Variants in EGFLAM observed in about 807,000 individuals in gnomAD.
EGFLAM encodes the protein EGF like, fibronectin type III and laminin G domains.
EGFLAM carries 79 observed loss-of-function variants against 113.1 expected under a neutral mutation model. The ratio of observed to expected loss-of-function variants is 0.70; its 90% confidence interval spans 0.58 to 0.84. The LOEUF is 0.84. Ranked by LOEUF, EGFLAM falls within the 40% of genes least tolerant of loss-of-function variation. EGFLAM has a pLI of 0.00. For missense variants in EGFLAM, 1,265 were observed against 1,291.6 expected, an observed-to-expected ratio of 0.98 and a Z score of 0.32; for synonymous variants, 504 against 487.6, an observed-to-expected ratio of 1.03 and a Z score of -0.44.
In EGFLAM at chr5:38,300,952, G is replaced by A. The variant is rs76096148; in HGVS notation, c.98-36568G>A. ...GATTTTTAGCCTGAGCAACTAGAAG[G>A]AAGGACTTTATGTCAAGTCAGATGA... On this transcript the variant is annotated intron_variant, in intron 1 of 21. Coordinates refer to ENST00000322350, the MANE Select transcript of EGFLAM (RefSeq NM_152403.4). Among the ~76,000 whole-genome samples, 881 of 152,284 alleles carry A rather than the reference G, an allele frequency of 5.8e-3. 12 individuals carry two copies. Among genetic ancestry groups the A allele is most frequent in the African/African-American group, 0.02 (851 of 41,572 alleles).
intron 20 of EGFLAM, among the ~76,000 whole-genome samples, chr5:38,458,973 A>C (rs1387238629): frequency 7.3e-6 from 1 of 137,226 alleles, no homozygotes; most frequent in Admixed American, 7.1e-5. Flanking sequence ...ACCCCATCTC[A>C]AAAAAAAAAA....
At chr5:38,264,785 T>A (rs111835600) in intron 1 of EGFLAM, among the ~76,000 whole-genome samples, 14 of 152,292 alleles carry the variant, frequency 9.2e-5, no homozygotes, top group African/African-American at 2.9e-4. Flanking sequence ...AATCTTTAGC[T>A]CACAAAAGCC....
At chr5:38,333,509 C>G (rs139012298) in intron 1 of EGFLAM, among the ~76,000 whole-genome samples, 1 of 152,018 alleles carries the variant, frequency 6.6e-6, no homozygotes, top group African/African-American at 2.4e-5. Flanking sequence ...TGGTGTGAGA[C>G]GGTATCTCAT....
chr5:38,369,691 C>T (rs960884699), intron 5 of EGFLAM, among the ~76,000 whole-genome samples: 3 of 152,152 alleles, frequency 2.0e-5, no homozygotes, highest in Non-Finnish European at 4.4e-5. Context: ...CATCCTCCCG[C>T]CTTCTGTGTA....
intron 21 of EGFLAM, 78 bp from the exon 22 acceptor site, chr5:38,463,754 C>A: frequency 6.4e-7 from 1 of 1,566,420 alleles, no homozygotes; most frequent in Non-Finnish European, 8.7e-7. Flanking sequence ...CATTCAAGTG[C>A]CCCAAACTGG....
chr5:38,450,750 G>A (rs1742885959), intron 18 of EGFLAM, among the ~76,000 whole-genome samples: 2 of 152,266 alleles, frequency 1.3e-5, no homozygotes, highest in South Asian at 4.1e-4. Flanking sequence ...TCCTTTCCTC[G>A]AAGCTTCCTG....
At chr5:38,442,893 T>C (rs1320353187) in intron 17 of EGFLAM, among the ~76,000 whole-genome samples, 1 of 152,202 alleles carries the variant, frequency 6.6e-6, no homozygotes, top group Non-Finnish European at 1.5e-5. Flanking sequence ...AGCAGCTTAG[T>C]AATGTCTGCA....
chr5:38,424,910 C>T, intron 12 of EGFLAM, 57 bp from the exon 13 acceptor site: 1 of 1,592,978 alleles, frequency 6.3e-7, no homozygotes, highest in Non-Finnish European at 8.6e-7. Flanking sequence ...GTCAGCGCCA[C>T]TGTGTTGGAC....
At chr5:38,332,348 C>T (rs893188950) in intron 1 of EGFLAM, among the ~76,000 whole-genome samples, 1 of 151,848 alleles carries the variant, frequency 6.6e-6, no homozygotes, top group Non-Finnish European at 1.5e-5. Context: ...AAATACATGC[C>T]ATGGGAGTTT....
intron 17 of EGFLAM, among the ~76,000 whole-genome samples, chr5:38,447,585 A>G (rs1742755050): frequency 6.6e-6 from 1 of 152,018 alleles, no homozygotes; most frequent in African/African-American, 2.4e-5. Flanking sequence ...GTGAAACCCC[A>G]TCTCTACTAA....
intron 1 of EGFLAM, among the ~76,000 whole-genome samples, chr5:38,318,852 G>A (rs1477233532): frequency 5.3e-5 from 8 of 152,158 alleles, no homozygotes; most frequent in African/African-American, 1.7e-4. Context: ...GACCCTCAGC[G>A]TGGTCACAAT....
chr5:38,458,091 A>G (rs1293207721), intron 19 of EGFLAM, among the ~76,000 whole-genome samples: 1 of 152,194 alleles, frequency 6.6e-6, no homozygotes, highest in Non-Finnish European at 1.5e-5. Context: ...GGCCATGGTT[A>G]TGTTACATAT....
At chr5:38,432,862 C>T (rs1209766046) in intron 15 of EGFLAM, among the ~76,000 whole-genome samples, 1 of 152,212 alleles carries the variant, frequency 6.6e-6, no homozygotes, top group Non-Finnish European at 1.5e-5. Flanking sequence ...TCTATCACTG[C>T]ACATCAGCAA....
chr5:38,358,135 G>A (rs1244199528), intron 5 of EGFLAM, among the ~76,000 whole-genome samples: 1 of 151,568 alleles, frequency 6.6e-6, no homozygotes, highest in African/African-American at 2.4e-5. Flanking sequence ...GCAACAAAGT[G>A]AGACCTCTGG....
intron 3 of EGFLAM, among the ~76,000 whole-genome samples, chr5:38,342,166 G>A (rs575180938): frequency 2.0e-5 from 3 of 152,252 alleles, no homozygotes; most frequent in East Asian, 1.9e-4. Context: ...ATTTTTAATC[G>A]TTTAGAGGAA....
intron 15 of EGFLAM, 116 bp from the exon 16 acceptor site, chr5:38,435,021 G>A: frequency 2.6e-6 from 2 of 757,044 alleles, no homozygotes; most frequent in Non-Finnish European, 4.5e-6. Flanking sequence ...TTGTCATGAT[G>A]GGTCTCTAGG....
intron 17 of EGFLAM, among the ~76,000 whole-genome samples, chr5:38,442,536 T>C (rs1742581323): frequency 6.6e-6 from 1 of 151,884 alleles, no homozygotes. Flanking sequence ...GGTTGTTATA[T>C]AGGAAAAAAA....
chr5:38,376,000 G>A (rs1740354891), intron 6 of EGFLAM, among the ~76,000 whole-genome samples: 1 of 152,084 alleles, frequency 6.6e-6, no homozygotes, highest in South Asian at 2.1e-4. Context: ...GTTTCCAAGA[G>A]GAAATTCAAA....
At position 38,407,091 on chromosome 5, in the gene EGFLAM, G is replaced by T. The variant is rs1330820237; in HGVS notation, c.1092G>T (p.Trp364Cys). ...GCTTCTGTGTCAATGACTACACCTG[G>T]GGGGGCTCGCGATGCCAGTGCACCC... is the stretch of plus-strand genomic sequence containing the variant. ...ADSFCVNDYT[W>C]GGSRCQCTLG... Residue 364 changes from tryptophan to cysteine, a missense_variant, in exon 8 of 22, where the codon TGG (tryptophan) becomes TGT (cysteine). Coordinates refer to ENST00000322350, the MANE Select transcript of EGFLAM (RefSeq NM_152403.4). The T allele has an allele frequency of 4.3e-6, 7 of 1,613,984 alleles. No homozygotes were observed. Among genetic ancestry groups the T allele is most frequent in the Non-Finnish European group, 5.9e-6 (7 of 1,180,044 alleles).
Sources: gnomAD v4.1 joint callset for allele counts (sites outside exome capture counted in the v4.1 genomes callset) on GRCh38, gnomAD v4.1.1 for gene constraint, MANE v1.5 for transcripts, NCBI Gene and HGNC (gene_info 2026-07-23, HGNC 2026-07-21) for gene names.